The following LARGE1 variants were observed in gnomAD, a reference collection of about 807,000 sequenced individuals.
LARGE1 encodes the protein xylosyl- and glucuronyltransferase LARGE1.
LARGE1 carries 43 observed loss-of-function variants against 87.6 expected under a neutral mutation model. The ratio of observed to expected loss-of-function variants is 0.49; its 90% CI spans 0.38 to 0.63. The LOEUF (loss-of-function observed/expected upper bound fraction) is 0.63, where lower values mean the gene tolerates loss of function less well. Among genes scored for constraint, LARGE1 ranks in the 30% least tolerant of loss-of-function variants. The probability of loss-of-function intolerance (pLI) is 0.00; values close to 1 mark genes in which losing one functional copy is unlikely to be tolerated. For synonymous variants in LARGE1, 434 were observed against 394.6 expected, an observed-to-expected ratio of 1.10 and a Z score of -1.18; for missense variants, 802 against 1,000.2, an observed-to-expected ratio of 0.80 and a Z score of 2.67.
chr22:33,578,348 T>G (rs113999195), intron 5 of LARGE1, among the ~76,000 whole-genome samples: 1,540 of 152,312 alleles, frequency 0.01, 30 homozygotes, highest in African/African-American at 0.035. Context: ...CCTAATGCTC[T>G]AAATCCCCTT....
intron 9 of LARGE1, 69 bp from the exon 10 acceptor site, chr22:33,337,870 A>C (rs1459846215): frequency 2.0e-6 from 3 of 1,518,496 alleles, no homozygotes; most frequent in Non-Finnish European, 2.7e-6. Flanking sequence ...ACCTGTAGGA[A>C]GCCATGGCTC....
intron 6 of LARGE1, among the ~76,000 whole-genome samples, chr22:33,481,708 T>C (rs2069335902): frequency 6.6e-6 from 1 of 152,256 alleles, no homozygotes; most frequent in Non-Finnish European, 1.5e-5. Context: ...CCTTGCCCGT[T>C]AGAACAACTG....
intron 1 of LARGE1, among the ~76,000 whole-genome samples, chr22:33,781,806 A>G (rs867047939): frequency 6.6e-6 from 1 of 152,194 alleles, no homozygotes; most frequent in Non-Finnish European, 1.5e-5. Context: ...ATAGATATAC[A>G]TAAGATATTT....
chr22:33,788,130 T>C (rs1167738770), intron 1 of LARGE1, among the ~76,000 whole-genome samples: 1 of 152,140 alleles, frequency 6.6e-6, no homozygotes, highest in Admixed American at 6.5e-5. Flanking sequence ...AATCCCCACA[T>C]GTCATGGGCA....
intron 1 of LARGE1, among the ~76,000 whole-genome samples, chr22:33,814,979 A>G (rs937617982): frequency 1.3e-5 from 2 of 152,216 alleles, no homozygotes; most frequent in East Asian, 1.9e-4. Context: ...ATTTAGACTC[A>G]TATCTTCAAC....
chr22:33,587,046 T>C (rs1484680028), intron 5 of LARGE1, among the ~76,000 whole-genome samples: 2 of 152,240 alleles, frequency 1.3e-5, no homozygotes, highest in Non-Finnish European at 2.9e-5. Context: ...TTAAACTTAA[T>C]ATTACATCAT....
intron 4 of LARGE1, among the ~76,000 whole-genome samples, chr22:33,605,293 C>T (rs1220942730): frequency 6.6e-6 from 1 of 152,012 alleles, no homozygotes; most frequent in East Asian, 1.9e-4. Flanking sequence ...CTTCATTATG[C>T]CCTGAACACT....
At chr22:33,623,705 T>TAA (rs36005583) in intron 4 of LARGE1, among the ~76,000 whole-genome samples, 3 of 133,516 alleles carry the variant, frequency 2.2e-5, no homozygotes, top group African/African-American at 5.7e-5. Context: ...TTAACTGATT[T>TAA]AAAAAAAAAA....
chr22:33,213,836 T>C (rs1239235685), intron 11 of LARGE1, among the ~76,000 whole-genome samples: 6 of 152,176 alleles, frequency 3.9e-5, no homozygotes, highest in Admixed American at 2.0e-4. Context: ...TTTTTCTTTT[T>C]TTTTTTGAGA....
At chr22:33,481,755 G>C (rs1007569784) in intron 6 of LARGE1, among the ~76,000 whole-genome samples, 6 of 152,114 alleles carry the variant, frequency 3.9e-5, no homozygotes, top group Non-Finnish European at 5.9e-5. Flanking sequence ...GGTAAACCTT[G>C]CCCGTTAGAG....
chr22:33,535,137 C>T (rs1444138004), intron 6 of LARGE1, among the ~76,000 whole-genome samples: 2 of 152,212 alleles, frequency 1.3e-5, no homozygotes, highest in South Asian at 2.1e-4. Context: ...CCCGTCAGGG[C>T]GTACGCCTTC....
At chr22:33,130,831 G>A in the LARGE1 span, among the ~76,000 whole-genome samples, 11 of 151,818 alleles carry the variant, frequency 7.2e-5, no homozygotes, top group Non-Finnish European at 2.9e-5. Context: ...AGATTACGAG[G>A]TCAGGAGATA....
intron 6 of LARGE1, among the ~76,000 whole-genome samples, chr22:33,493,479 A>AGG (rs1228200428): frequency 2.0e-5 from 3 of 151,990 alleles, no homozygotes; most frequent in Non-Finnish European, 4.4e-5. Context: ...GAATTTTTTA[A>AGG]TGTGTCTACA....
At chr22:33,805,287 T>C (rs981027937) in intron 1 of LARGE1, among the ~76,000 whole-genome samples, 8 of 152,066 alleles carry the variant, frequency 5.3e-5, no homozygotes, top group Admixed American at 2.0e-4. Context: ...ATGAAACAAC[T>C]GTCCTAGTTT....
At chr22:33,840,519 G>A (rs968828959) in intron 1 of LARGE1, among the ~76,000 whole-genome samples, 3 of 152,110 alleles carry the variant, frequency 2.0e-5, no homozygotes, top group Non-Finnish European at 4.4e-5. Context: ...AATTTGGTGT[G>A]AAAGGTTCTA....
intron 1 of LARGE1, among the ~76,000 whole-genome samples, chr22:33,766,099 A>T (rs754733608): frequency 4.6e-5 from 7 of 152,202 alleles, no homozygotes; most frequent in Non-Finnish European, 1.0e-4. Context: ...AATCAACACA[A>T]GAAGAACGGA....
chr22:33,717,485 T>C (rs560415280), intron 2 of LARGE1, among the ~76,000 whole-genome samples: 13 of 152,338 alleles, frequency 8.5e-5, no homozygotes, highest in South Asian at 2.1e-4. Context: ...CTTCTCCTCA[T>C]CTACTCAGTA....
chr22:33,100,784 T>C, the LARGE1 span, among the ~76,000 whole-genome samples: 1 of 152,186 alleles, frequency 6.6e-6, no homozygotes, highest in Non-Finnish European at 1.5e-5. Flanking sequence ...TTGCATCTTG[T>C]TCTCCAGTGC....
At chr22:33,623,563 T>C (rs1384884564) in intron 4 of LARGE1, among the ~76,000 whole-genome samples, 2 of 152,138 alleles carry the variant, frequency 1.3e-5, no homozygotes, top group Non-Finnish European at 2.9e-5. Flanking sequence ...GCTTGCTAAC[T>C]TGCCAGCTTG....
Sources: gnomAD v4.1 joint callset for allele counts (sites outside exome capture counted in the v4.1 genomes callset) on GRCh38, gnomAD v4.1.1 for gene constraint, MANE v1.5 for transcripts, NCBI Gene and HGNC (gene_info 2026-07-23, HGNC 2026-07-21) for gene names.